ABCC11: variants seen among roughly 807,000 people sequenced by gnomAD.
ABCC11 encodes ATP-binding cassette sub-family C member 11.
A neutral mutation model predicts 149.3 loss-of-function variants in ABCC11; 135 were observed. That is an observed-to-expected ratio of 0.90 (90% confidence interval 0.79 to 1.04). The LOEUF is 1.04. ABCC11 is among the 50% of genes least tolerant of loss of function. The pLI is 0.00. For missense variants in ABCC11, 1,680 were observed against 1,722.1 expected, an observed-to-expected ratio of 0.98 and a Z score of 0.43; for synonymous variants, 665 against 671.4, an observed-to-expected ratio of 0.99 and a Z score of 0.15.
intron 1 of ABCC11, among the ~76,000 whole-genome samples, chr16:48,245,890 C>T (rs968881299): frequency 1.1e-4 from 16 of 152,154 alleles, no homozygotes; most frequent in South Asian, 6.2e-4. Flanking sequence ...GCCAAGCACC[C>T]GCCTCCTATT....
chr16:48,208,437 G>T lies in ABCC11; in HGVS notation c.1668C>A (p.Ala556=), dbSNP rs368613692. The T allele has an allele frequency of 1.9e-6, 3 of 1,614,052 alleles. No homozygotes were observed. In the African/African-American group the frequency reaches 4.0e-5, roughly 22 times the overall value. ...TGSGKSSLLS[A]ILEEMHLLEG... Reference sequence around the variant, plus strand: ...ACAGATCACTTACCTCCTCCAGGATGGCTGACAACAGGCTGCTCTTACCAC... The same window carrying T: ...ACAGATCACTTACCTCCTCCAGGATTGCTGACAACAGGCTGCTCTTACCAC... The change falls in exon 12 of 30, where the codon GCC becomes GCA. Residue 556 remains alanine (A), a synonymous_variant. Transcript: ENST00000356608.
At chr16:48,208,987 T>G (rs7194667) in intron 11 of ABCC11, among the ~76,000 whole-genome samples, 10,061 of 152,182 alleles carry the variant, frequency 0.066, 385 homozygotes, top group Middle Eastern at 0.16. Flanking sequence ...GCTCAGAATA[T>G]AAGCTGAGGG....
chr16:48,170,784 C>T, intron 27 of ABCC11, 105 bp downstream of exon 27: 1 of 1,069,690 alleles, frequency 9.3e-7, no homozygotes, highest in Non-Finnish European at 1.4e-6. Context: ...CATCCATGAC[C>T]CGAAGCAGCA....
chr16:48,197,434 G>A (rs1967532590), intron 17 of ABCC11, among the ~76,000 whole-genome samples: 1 of 152,200 alleles, frequency 6.6e-6, no homozygotes, highest in African/African-American at 2.4e-5. Flanking sequence ...AATTCAGAGA[G>A]GTTAAGTTAG....
At chr16:48,206,919 G>C (rs1032974924) in intron 12 of ABCC11, among the ~76,000 whole-genome samples, 1 of 152,186 alleles carries the variant, frequency 6.6e-6, no homozygotes, top group Non-Finnish European at 1.5e-5. Context: ...ACAGGACTTC[G>C]CATGTAAGTA....
In ABCC11 at chr16:48,211,139, C is replaced by A. The variant is rs1311739744; in HGVS notation, c.1417G>T (p.Ala473Ser). The change falls in exon 11 of 30, where the codon GCT becomes TCT. Residue 473 changes from alanine (A) to serine (S), a missense_variant. Ala to Ser is a moderately conservative substitution (Grantham distance 99). Transcript: ENST00000356608. ...YVQTLQDPSK[A>S]LVFEEATLSW... ...AAGGTGGCCTCCTCAAAGACCAGAG[C>A]TTTGCTGGGGTCTTGTAATGTCTGG... The A allele has an allele frequency of 1.2e-6, 2 of 1,614,196 alleles. No individual in the cohort carries two copies. Among genetic ancestry groups the A allele is most frequent in the East Asian group, 2.2e-5 (1 of 44,892 alleles).
chr16:48,213,401 C>A, intron 10 of ABCC11, 42 bp downstream of exon 10: 1 of 1,540,010 alleles, frequency 6.5e-7, no homozygotes. Context: ...GGCAGAGGAG[C>A]GTCCAAGCAG....
rs79262241 is a variant in ABCC11, at chr16:48,215,936, T to C, written c.951+178A>G. On this transcript the variant is annotated intron_variant, in intron 7 of 29. Coordinates refer to ENST00000356608, the MANE Select transcript of ABCC11 (RefSeq NM_001370497.1). ...CACATCACATTCACCTCTTATTTAC[T>C]TCTTAACCGAATGTTGTGGCCAGAG... Among the ~76,000 whole-genome samples, 702 of 152,328 alleles carry C rather than the reference T, an allele frequency of 4.6e-3. 1 individual carries two copies. Among genetic ancestry groups the C allele is most frequent in the African/African-American group, 0.017 (686 of 41,568 alleles).
chr16:48,210,995 T>C lies in ABCC11; in HGVS notation c.1561A>G (p.Asn521Asp). The change falls in exon 11 of 30, where the codon AAC becomes GAC. Residue 521 changes from asparagine (N) to aspartate (D), a missense_variant. Asn to Asp is a conservative substitution (Grantham distance 23). Transcript: ENST00000356608. ...TTGTGCAACTCTGGGCCCAGGCTGTTCCCTTCTTCCTCTGGCCCGAGGGCA... is the reference window on the plus strand; with the variant it reads ...TTGTGCAACTCTGGGCCCAGGCTGTCCCCTTCTTCCTCTGGCCCGAGGGCA... ...RDALGPEEEG[N>D]SLGPELHKIN... 6.2e-7 allele frequency: 1 copy of C among 1,614,186 alleles called. No individual in the cohort carries two copies. The highest frequency in any genetic ancestry group is 8.5e-7 in the Non-Finnish European group (1 of 1,180,036).
chr16:48,178,904 C>T (rs1214859776), intron 23 of ABCC11, among the ~76,000 whole-genome samples: 3 of 152,190 alleles, frequency 2.0e-5, no homozygotes, highest in Admixed American at 6.5e-5. Flanking sequence ...AGAACCTCCC[C>T]AGACACTGTT....
rs977443267 is a variant in ABCC11 at position 48,170,154 on chromosome 16, C to T, written c.3842G>A (p.Gly1281Glu). 6.2e-7 allele frequency: 1 copy of T among 1,614,016 alleles called. No homozygotes were observed. The highest frequency in any genetic ancestry group is 8.5e-7 in the Non-Finnish European group (1 of 1,180,002). Reference protein sequence around the residue: ...VVENGGNFSVGERQLLCIARA... With the variant: ...VVENGGNFSVEERQLLCIARA... Reference sequence around the variant, plus strand: ...GGCAATGCAGAGCAGCTGCCTCTCCCCCACAGAGAAGTTTCCACCGTTTTC... The same window carrying T: ...GGCAATGCAGAGCAGCTGCCTCTCCTCCACAGAGAAGTTTCCACCGTTTTC... Residue 1281 changes from glycine to glutamate, a missense_variant, in exon 28 of 30, where the codon GGG (glycine) becomes GAG (glutamate). Coordinates refer to ENST00000356608, the MANE Select transcript of ABCC11 (RefSeq NM_001370497.1).
Position 48,230,473 on chromosome 16 carries a change from GCAGCATCATACTTC to G in ABCC11, c.186_199del (p.Lys63LeufsTer47), listed in dbSNP as rs1236012365. The G allele has an allele frequency of 6.2e-7, 1 of 1,611,456 alleles. No individual in the cohort carries two copies. ...ACGGAAGGGAATCATGGTTCTCAAG[GCAGCATCATACTTC>G]CCCCACGGTGGGACAGCTGCCCTCC... On this transcript the variant is annotated frameshift_variant, in exon 3 of 30. Coordinates refer to ENST00000356608, the MANE Select transcript of ABCC11 (RefSeq NM_001370497.1). LOFTEE classifies it high-confidence loss of function.
chr16:48,193,823 C>A, intron 19 of ABCC11, 56 bp downstream of exon 19: 1 of 1,437,644 alleles, frequency 7.0e-7, no homozygotes, highest in Admixed American at 1.8e-5. Context: ...AGCAAGAAGT[C>A]ACCCCACCTC....
At chr16:48,245,088 TCC>T (rs1047647836) in intron 1 of ABCC11, among the ~76,000 whole-genome samples, 32 of 152,216 alleles carry the variant, frequency 2.1e-4, no homozygotes, top group South Asian at 6.2e-4. Flanking sequence ...CATTCTCTGC[TCC>T]GTGAGTTTTA....
intron 8 of ABCC11, 78 bp from the exon 9 acceptor site, chr16:48,215,107 T>C (rs1265552053): frequency 4.4e-6 from 7 of 1,581,974 alleles, no homozygotes; most frequent in South Asian, 2.3e-5. Flanking sequence ...CCCCAAAGCA[T>C]TAAAAAGAAA....
In ABCC11 at chr16:48,222,689, C is replaced by A. The variant is rs147729951; in HGVS notation, c.686G>T (p.Arg229Leu). The A allele has an allele frequency of 5.0e-6, 8 of 1,614,020 alleles. No homozygotes were observed. The highest frequency in any genetic ancestry group is 1.3e-5 in the African/African-American group (1 of 74,914). Reference sequence around the variant, plus strand: ...AGCTGCTCGGAACCTGATGGCTGTGCGTTGGTTGATGATCCAACTGGAGGA... The same window carrying A: ...AGCTGCTCGGAACCTGATGGCTGTGAGTTGGTTGATGATCCAACTGGAGGA... ...SFSSSWIINQRTAIRFRAAVS... is the reference protein window; with the variant it reads ...SFSSSWIINQLTAIRFRAAVS... Residue 229 changes from arginine (R) to leucine (L), a missense_variant, in exon 6 of 30, where the codon CGC becomes CTC. Arg to Leu is a moderately radical substitution (Grantham distance 102). Transcript: ENST00000356608.
At chr16:48,213,270 C>A (rs1460708061) in intron 10 of ABCC11, among the ~76,000 whole-genome samples, 173 bp downstream of exon 10, 1 of 152,216 alleles carries the variant, frequency 6.6e-6, no homozygotes, top group Non-Finnish European at 1.5e-5. Flanking sequence ...TGACCCGATT[C>A]ATCTGTCTTC....
intron 13 of ABCC11, 70 bp from the exon 14 acceptor site, chr16:48,203,370 G>C (rs556441116): frequency 7.2e-7 from 1 of 1,388,990 alleles, no homozygotes; most frequent in East Asian, 2.5e-5. Context: ...CCAGTGTCGA[G>C]AGGAATGGTC....
rs760326504 is a variant in ABCC11 at position 48,222,631 on chromosome 16, T to C, written c.744A>G (p.Gln248=). Residue 248 remains glutamine, a synonymous_variant, in exon 6 of 30, where the codon CAA becomes CAG. Coordinates refer to ENST00000356608, the MANE Select transcript of ABCC11 (RefSeq NM_001370497.1). Reference sequence around the variant, plus strand: ...AGGTGATGTGTATTACAGACTTAAATTGGATGAGCTTCTCAAAGGCAAAGG... The same window carrying C: ...AGGTGATGTGTATTACAGACTTAAACTGGATGAGCTTCTCAAAGGCAAAGG... ...VSSFAFEKLI[Q]FKSVIHITSG... 8 of 1,613,980 alleles carry C rather than the reference T, an allele frequency of 5.0e-6. No homozygotes were observed. In the African/African-American group the frequency reaches 6.7e-5, roughly 13 times the overall value.
Sources: allele counts gnomAD v4.1 joint callset (sites outside exome capture counted in the v4.1 genomes callset), GRCh38; gene constraint gnomAD v4.1.1; transcripts MANE v1.5; gene names NCBI Gene and HGNC (gene_info 2026-07-23, HGNC 2026-07-21).